DST: variants seen among roughly 807,000 people sequenced by gnomAD.
DST encodes bullous pemphigoid antigen.
Under a neutral mutation model 875.2 loss-of-function variants are expected in DST, and 253 were observed. The observed-to-expected ratio is 0.29, with a 90% CI of 0.26 to 0.32. DST has a LOEUF of 0.32. Among genes scored for constraint, DST ranks in the 10% least tolerant of loss-of-function variants. The probability of loss-of-function intolerance (pLI) is 1.00; values close to 1 mark genes in which losing one functional copy is unlikely to be tolerated. For missense variants in DST, 8,287 were observed against 9,111.6 expected, an observed-to-expected ratio of 0.91 and a Z score of 3.68; for synonymous variants, 3,124 against 3,197.1, an observed-to-expected ratio of 0.98 and a Z score of 0.77.
intron 58 of DST, among the ~76,000 whole-genome samples, chr6:56,559,703 T>C (rs1002951797): frequency 1.2e-4 from 18 of 152,034 alleles, no homozygotes; most frequent in African/African-American, 4.3e-4. Flanking sequence ...ATTTTCTACA[T>C]CATTATAGTA....
At chr6:56,871,389 G>C (rs1777013839) in intron 3 of DST, 1 of 1,319,826 alleles carries the variant, frequency 7.6e-7, no homozygotes. Context: ...CAATGCTGGA[G>C]TTGGCAGGTG....
At chr6:56,626,744 T>C (rs1297831323) in intron 34 of DST, among the ~76,000 whole-genome samples, 1 of 152,064 alleles carries the variant, frequency 6.6e-6, no homozygotes, top group Non-Finnish European at 1.5e-5. Flanking sequence ...TAGAAGCTCA[T>C]GAAAATATAT....
chr6:56,665,370 GTATATGGCAC>G (rs2099067198), intron 10 of DST, among the ~76,000 whole-genome samples: 1 of 152,112 alleles, frequency 6.6e-6, no homozygotes, highest in African/African-American at 2.4e-5. Context: ...GTTGTCAGTT[GTATATGGCAC>G]TATTCATTTA....
At position 56,606,167 on chromosome 6, in the gene DST, C is replaced by A; in HGVS notation, c.8461G>T (p.Asp2821Tyr). 1 of 1,600,548 alleles carries A rather than the reference C, an allele frequency of 6.2e-7. No homozygotes were observed. Among genetic ancestry groups the A allele is most frequent in the South Asian group, 1.1e-5 (1 of 89,958 alleles). ...GIDEEGGGIR[D>Y]ENGKPRCQNV... ...TGGCACCTGGGCTTTCCATTCTCAT[C>A]TCTTATACCTCCTCCTTCTTCATCA... Residue 2821 changes from aspartate to tyrosine, a missense_variant, in exon 40 of 104, where the codon GAT becomes TAT. This residue lies in a region of DST where 3,138 missense variants were observed against 3,116.6 expected (regional missense o/e 1.01). Coordinates refer to ENST00000680361, the MANE Select transcript of DST (RefSeq NM_001374736.1).
chr6:56,780,885 T>C (rs1332824493), intron 4 of DST, among the ~76,000 whole-genome samples: 4 of 152,178 alleles, frequency 2.6e-5, no homozygotes, highest in Admixed American at 6.5e-5. Context: ...CTTTAATCCA[T>C]CTTGAATTAA....
chr6:56,823,119 C>A (rs1474971552), intron 4 of DST, among the ~76,000 whole-genome samples: 1 of 152,066 alleles, frequency 6.6e-6, no homozygotes, highest in Admixed American at 6.6e-5. Flanking sequence ...AGGTGGTGAG[C>A]CTACACTATC....
chr6:56,780,295 C>T (rs1055373198), intron 4 of DST, among the ~76,000 whole-genome samples: 28 of 151,934 alleles, frequency 1.8e-4, no homozygotes, highest in Non-Finnish European at 2.8e-4. Flanking sequence ...CCTGAGGAAT[C>T]GCCACACTGT....
At chr6:56,828,751 T>C (rs1284611091) in intron 4 of DST, among the ~76,000 whole-genome samples, 1 of 152,196 alleles carries the variant, frequency 6.6e-6, no homozygotes, top group Non-Finnish European at 1.5e-5. Flanking sequence ...TTTACATCTT[T>C]TCCCTACAGG....
At chr6:56,501,259 T>C in intron 79 of DST, 24 bp from the exon 80 acceptor site, 1 of 1,560,116 alleles carries the variant, frequency 6.4e-7, no homozygotes, top group Middle Eastern at 1.7e-4. Flanking sequence ...GGAAAGAAAA[T>C]CCATTTATAA....
At chr6:56,699,587 CA>C in intron 9 of DST, 65 bp downstream of exon 9, 1 of 716,360 alleles carries the variant, frequency 1.4e-6, no homozygotes, top group Non-Finnish European at 2.3e-6. Flanking sequence ...ATGCATCATT[CA>C]CCCTTCATAG....
chr6:56,680,620 T>C (rs1356844124), intron 9 of DST, among the ~76,000 whole-genome samples: 3 of 152,194 alleles, frequency 2.0e-5, no homozygotes, highest in African/African-American at 7.2e-5. Context: ...CCTTCCAGGC[T>C]TTCCTCCGGC....
Position 56,553,669 on chromosome 6 carries a change from T to C in DST, c.15137-14A>G. On this transcript the variant is annotated splice_polypyrimidine_tract_variant and intron_variant, in intron 60 of 103. Coordinates refer to ENST00000680361, the MANE Select transcript of DST (RefSeq NM_001374736.1). ...GGACATGATTCTCTAGAAATAAAAT[T>C]ACAAGATATGTTTATTTTACATCAA... 6.2e-7 allele frequency: 1 copy of C among 1,601,204 alleles called. No homozygotes were observed. The highest frequency in any genetic ancestry group is 8.5e-7 in the Non-Finnish European group (1 of 1,175,224).
At chr6:56,668,364 C>T (rs1215996698) in intron 10 of DST, among the ~76,000 whole-genome samples, 1 of 152,102 alleles carries the variant, frequency 6.6e-6, no homozygotes, top group African/African-American at 2.4e-5. Context: ...CTTTTCGATT[C>T]AGCAACCTAC....
At chr6:56,664,546 C>T (rs2099062403) in intron 10 of DST, among the ~76,000 whole-genome samples, 1 of 152,162 alleles carries the variant, frequency 6.6e-6, no homozygotes, top group South Asian at 2.1e-4. Context: ...TTAAAGGATA[C>T]TCCTAGGATC....
chr6:56,937,714 G>A (rs1813762901), intron 2 of DST, among the ~76,000 whole-genome samples: 1 of 152,172 alleles, frequency 6.6e-6, no homozygotes, highest in Non-Finnish European at 1.5e-5. Context: ...ATTCACAGCG[G>A]TGCTATTTGT....
chr6:56,509,379 G>T (rs924775070), intron 74 of DST, among the ~76,000 whole-genome samples: 2 of 152,090 alleles, frequency 1.3e-5, no homozygotes, highest in African/African-American at 4.8e-5. Context: ...GATTTAAAAG[G>T]CCTGAATACA....
chr6:56,550,115 T>TAC (rs1372768979), intron 61 of DST, among the ~76,000 whole-genome samples: 2 of 152,118 alleles, frequency 1.3e-5, no homozygotes, highest in East Asian at 1.9e-4. Flanking sequence ...TTTTAAGGAA[T>TAC]ACACACACAC....
At chr6:56,485,584 T>C (rs756111196) in intron 87 of DST, 113 bp from the exon 88 acceptor site, 3 of 1,005,584 alleles carry the variant, frequency 3.0e-6, no homozygotes, top group Middle Eastern at 2.9e-4. Context: ...AAGAGCAGTA[T>C]GTTGGTATTC....
intron 5 of DST, among the ~76,000 whole-genome samples, chr6:56,720,905 C>A (rs982992451): frequency 6.8e-6 from 1 of 147,790 alleles, no homozygotes; most frequent in South Asian, 2.1e-4. Flanking sequence ...GGCAGAGGGG[C>A]TCCTCACTTC....
Sources: allele counts gnomAD v4.1 joint callset (sites outside exome capture counted in the v4.1 genomes callset), GRCh38; gene constraint gnomAD v4.1.1; regional missense constraint gnomAD v4.1.1; transcripts MANE v1.5; gene names NCBI Gene and HGNC (gene_info 2026-07-23, HGNC 2026-07-21).